Variants in GSE1 observed in about 807,000 individuals in gnomAD.
The protein encoded by GSE1 is genetic suppressor element 1.
In GSE1, 32 loss-of-function variants were observed where a neutral mutation model predicts 112.6. The observed-to-expected ratio is 0.28, with a 90% CI of 0.21 to 0.38. The LOEUF is 0.38. GSE1 is among the 10% of genes least tolerant of loss of function. The pLI, the probability that GSE1 is intolerant of heterozygous loss-of-function variation, is 1.00. For missense variants in GSE1, 2,348 were observed against 1,699.2 expected, an observed-to-expected ratio of 1.38 and a Z score of -6.71; for synonymous variants, 1,115 against 735.6, an observed-to-expected ratio of 1.52 and a Z score of -8.35.
intron 1 of GSE1, among the ~76,000 whole-genome samples, chr16:85,623,273 C>T (rs893970665): frequency 6.1e-5 from 9 of 148,156 alleles, no homozygotes; most frequent in South Asian, 4.2e-4. Flanking sequence ...GCAGTGCAGT[C>T]GCGCAATCAC....
upstream of GSE1, chr16:85,611,293 T>TG (rs1208381893): frequency 7.7e-6 from 1 of 129,392 alleles, no homozygotes; most frequent in African/African-American, 2.9e-5. Flanking sequence ...TGACTCCCAG[T>TG]GGGGGTGGAG....
chr16:85,650,361 G>T (rs1004555136), intron 3 of GSE1, among the ~76,000 whole-genome samples: 2 of 152,084 alleles, frequency 1.3e-5, no homozygotes, highest in Admixed American at 6.5e-5. Flanking sequence ...CACTGGTGGG[G>T]CCTGGCTGCT....
intron 2 of GSE1, among the ~76,000 whole-genome samples, chr16:85,522,934 C>T (rs1185634051): frequency 6.6e-6 from 1 of 151,890 alleles, no homozygotes; most frequent in East Asian, 1.9e-4. Context: ...GTTGTATGTG[C>T]ATGTGACTCT....
chr16:85,526,947 A>G lies in GSE1; in HGVS notation c.2465-106967A>G, dbSNP rs75879552. ...GTAAAATGAGTTCATCTATTTAATTAAGTAGCAGCAATATGGATGTTAAAT... is the reference window on the plus strand; with the variant it reads ...GTAAAATGAGTTCATCTATTTAATTGAGTAGCAGCAATATGGATGTTAAAT... On this transcript the variant is annotated intron_variant, in intron 2 of 2. Transcript: ENST00000637419. Among the ~76,000 whole-genome samples, 105 of 152,376 alleles carry G rather than the reference A, an allele frequency of 6.9e-4. 1 individual carries two copies. The highest frequency in any genetic ancestry group is 1.3e-3 in the Non-Finnish European group (91 of 68,042).
rs1051963934 is a variant in GSE1 at position 85,308,173 on chromosome 16, G to C, written c.2284-49290G>C. Among the ~76,000 whole-genome samples the C allele has an allele frequency of 3.3e-5, 5 of 152,178 alleles. No individual in the cohort carries two copies. In the East Asian group the frequency reaches 7.7e-4, roughly 23 times the overall value. On this transcript the variant is annotated intron_variant, in intron 1 of 2. Coordinates refer to the GSE1 transcript ENST00000637419. ...TGTATTTCACCTAGAACGCTGAGCTGCTCTTCTCTTTGAATTCCAAAGAGA... is the reference window on the plus strand; with the variant it reads ...TGTATTTCACCTAGAACGCTGAGCTCCTCTTCTCTTTGAATTCCAAAGAGA...
chr16:85,510,572 C>T (rs976940965), intron 2 of GSE1, among the ~76,000 whole-genome samples: 5 of 152,348 alleles, frequency 3.3e-5, no homozygotes, highest in African/African-American at 1.2e-4. Flanking sequence ...GGGGCTGTTT[C>T]TGAGGCTCTC....
At chr16:85,420,304 C>G (rs572238506) in intron 2 of GSE1, among the ~76,000 whole-genome samples, 1 of 152,112 alleles carries the variant, frequency 6.6e-6, no homozygotes, top group African/African-American at 2.4e-5. Context: ...GGGAGTGTGG[C>G]CCTGCGGACA....
rs114148509 is a variant in GSE1, at chr16:85,558,142, C to T, written c.37+1779C>T. ...CTTGGGAACTCAGAGCTATCTCTCC[C>T]ATGGGAAGATTCCAGGTAAATGAGG... On this transcript the variant is annotated intron_variant, in intron 1 of 2. Coordinates refer to the GSE1 transcript ENST00000635906. Among the ~76,000 whole-genome samples, 622 of 152,266 alleles carry T rather than the reference C, an allele frequency of 4.1e-3. 2 individuals are homozygous for T. The highest frequency in any genetic ancestry group is 0.014 in the African/African-American group (591 of 41,556).
intron 1 of GSE1, among the ~76,000 whole-genome samples, chr16:85,257,664 G>A (rs1464874448): frequency 6.6e-6 from 1 of 152,194 alleles, no homozygotes; most frequent in African/African-American, 2.4e-5. Flanking sequence ...CTTAAAAATT[G>A]GCAGGACGTG....
intron 13 of GSE1, 92 bp downstream of exon 13, chr16:85,666,439 T>G (rs1001362425): frequency 8.0e-7 from 1 of 1,244,796 alleles, no homozygotes; most frequent in Non-Finnish European, 1.2e-6. Context: ...CGTTCAGCCG[T>G]GGGCACAAGT....
chr16:85,554,536 A>G (rs1478302368), upstream of GSE1, among the ~76,000 whole-genome samples: 1 of 152,012 alleles, frequency 6.6e-6, no homozygotes, highest in Non-Finnish European at 1.5e-5. Context: ...CAAGCATTTG[A>G]TTACACTTGC....
At chr16:85,257,200 C>T (rs1297624430) in intron 1 of GSE1, among the ~76,000 whole-genome samples, 2 of 152,208 alleles carry the variant, frequency 1.3e-5, no homozygotes, top group Non-Finnish European at 2.9e-5. Flanking sequence ...CCTCCACCTC[C>T]TGGGTTCAAG....
At chr16:85,496,506 G>T (rs934244407) in intron 2 of GSE1, among the ~76,000 whole-genome samples, 1 of 152,222 alleles carries the variant, frequency 6.6e-6, no homozygotes, top group Non-Finnish European at 1.5e-5. Context: ...GGGTGGCCTC[G>T]GTGCGGCGTG....
rs573158831 is a variant in GSE1 at position 85,314,222 on chromosome 16, C to G, written c.2284-43241C>G. Among the ~76,000 whole-genome samples, 5 of 152,266 alleles carry G rather than the reference C, an allele frequency of 3.3e-5. No individual in the cohort carries two copies. In the South Asian group the frequency reaches 1.0e-3, roughly 32 times the overall value. The stretch of plus-strand genomic sequence containing the variant: ...GTGAGAAGGAAAGGAAAGGAGGAGG[C>G]AGGCATTCTGCCGGCTAGTGCCACA... On this transcript the variant is annotated intron_variant, in intron 1 of 2. Coordinates refer to the GSE1 transcript ENST00000637419.
chr16:85,646,954 C>G (rs576817118), intron 2 of GSE1, among the ~76,000 whole-genome samples: 3 of 152,104 alleles, frequency 2.0e-5, no homozygotes, highest in Non-Finnish European at 2.9e-5. Flanking sequence ...AGGACTCTTG[C>G]AGCAGGTGCC....
chr16:85,353,302 C>T (rs1055312826), intron 1 of GSE1, among the ~76,000 whole-genome samples: 6 of 152,228 alleles, frequency 3.9e-5, no homozygotes, highest in Admixed American at 1.3e-4. Context: ...AGGGCTGCTA[C>T]GCACCTTCCT....
rs935163567 is a variant in GSE1 at position 85,225,349 on chromosome 16, A to G, written c.2283+53542A>G. Reference sequence around the variant, plus strand: ...CAGGAGAGGGGTGTTCCTGGCAGAGAGCAGAGCAGTCAGTGCAGAGGGCCC... The same window carrying G: ...CAGGAGAGGGGTGTTCCTGGCAGAGGGCAGAGCAGTCAGTGCAGAGGGCCC... On this transcript the variant is annotated intron_variant, in intron 1 of 2. Transcript: ENST00000637419. Among the ~76,000 whole-genome samples, 3 of 152,160 alleles carry G rather than the reference A, an allele frequency of 2.0e-5. No individual in the cohort carries two copies. In the East Asian group the frequency reaches 5.8e-4, roughly 30 times the overall value.
intron 2 of GSE1, among the ~76,000 whole-genome samples, chr16:85,417,705 C>T (rs1208606952): frequency 6.6e-6 from 1 of 152,238 alleles, no homozygotes; most frequent in African/African-American, 2.4e-5. Flanking sequence ...AGGCTATTCC[C>T]AAGGCTAGAG....
chr16:85,201,417 G>T (rs527644736), intron 1 of GSE1, among the ~76,000 whole-genome samples: 20 of 151,788 alleles, frequency 1.3e-4, no homozygotes, highest in Admixed American at 1.1e-3. Context: ...CAGCACTTTG[G>T]GACGCCGAGG....
Sources: allele counts gnomAD v4.1 joint callset (sites outside exome capture counted in the v4.1 genomes callset), GRCh38; gene constraint gnomAD v4.1.1; transcripts MANE v1.5; gene names NCBI Gene and HGNC (gene_info 2026-07-23, HGNC 2026-07-21).